Variants in ECI2 observed in about 807,000 individuals in gnomAD.
ECI2 encodes the protein enoyl-CoA delta isomerase 2.
ECI2 carries 27 observed loss-of-function variants against 38.4 expected under a neutral mutation model. The ratio of observed to expected loss-of-function variants is 0.70; its 90% confidence interval spans 0.52 to 0.97. ECI2 has a LOEUF of 0.97. Ranked by LOEUF, ECI2 falls within the 50% of genes least tolerant of loss-of-function variation. The pLI is 0.00. For missense variants in ECI2, 470 were observed against 474.4 expected (o/e 0.99, Z 0.09); for synonymous variants, 168 against 172.0 (o/e 0.98, Z 0.18).
At chr6:4,130,926 T>A in intron 2 of ECI2, 61 bp from the exon 3 acceptor site, 1 of 1,498,878 alleles carries the variant, frequency 6.7e-7, no homozygotes, top group Non-Finnish European at 9.2e-7. Context: ...CCTAAATATT[T>A]AAGATCCATA....
intron 6 of ECI2, chr6:4,125,799 C>T: frequency 2.3e-6 from 1 of 440,706 alleles, no homozygotes; most frequent in East Asian, 5.2e-5. Flanking sequence ...CTCCTACCTT[C>T]AGCGTTCATG....
chr6:4,133,963 A>G (rs915596311), intron 1 of ECI2, among the ~76,000 whole-genome samples: 6 of 152,252 alleles, frequency 3.9e-5, no homozygotes, highest in African/African-American at 1.2e-4. Flanking sequence ...TCTGTAAGCA[A>G]CTAAAGATAA....
At chr6:4,131,155 T>C (rs1319045004) in intron 2 of ECI2, among the ~76,000 whole-genome samples, 1 of 152,232 alleles carries the variant, frequency 6.6e-6, no homozygotes, top group Non-Finnish European at 1.5e-5. Flanking sequence ...TAGTTTTATA[T>C]TGGTAATCAC....
intron 4 of ECI2, 105 bp from the exon 5 acceptor site, chr6:4,127,936 C>A (rs979611385): frequency 5.8e-5 from 60 of 1,029,970 alleles, no homozygotes; most frequent in Non-Finnish European, 7.9e-5. Flanking sequence ...CAGCAAAGTG[C>A]CTAACATTTA....
rs368531388 is a variant in ECI2 at position 4,115,933 on chromosome 6, G to A, written c.1126C>T (p.Leu376=). 8.7e-6 allele frequency: 14 copies of A among 1,614,058 alleles called. No homozygotes were observed. The African/African-American group carries it at 1.9e-4, about 22-fold the overall frequency. ...ACAGCATTTGTGCATTCATCTGATA[G>A]CCATCTTCCCTGAAGGACATTGCAT... is the stretch of plus-strand genomic sequence containing the variant. The part of the protein sequence containing the change: ...EECNVLQGRW[L]SDECTNAVVN... The change falls in exon 10 of 10, where the codon CTA becomes TTA. Residue 376 remains leucine, a synonymous_variant. Coordinates refer to ENST00000380118, the MANE Select transcript of ECI2 (RefSeq NM_206836.3).
intron 9 of ECI2, 133 bp downstream of exon 9, chr6:4,117,175 C>G (rs745832203): frequency 2.6e-6 from 3 of 1,147,244 alleles, no homozygotes; most frequent in Non-Finnish European, 3.6e-6. Flanking sequence ...TTTTTTAATT[C>G]CAAATTTAGA....
intron 5 of ECI2, among the ~76,000 whole-genome samples, chr6:4,126,820 A>T (rs1773192861): frequency 6.6e-6 from 1 of 152,224 alleles, no homozygotes; most frequent in Non-Finnish European, 1.5e-5. Context: ...GTTTAATTAA[A>T]GTACAATTTA....
At chr6:4,116,328 G>A (rs531661570) in intron 9 of ECI2, among the ~76,000 whole-genome samples, 2 of 152,038 alleles carry the variant, frequency 1.3e-5, no homozygotes, top group East Asian at 2.0e-4. Context: ...TCCAGCCTGG[G>A]TGACAAGTGA....
chr6:4,117,298 G>C lies in ECI2; in HGVS notation c.1029+10C>G. ...TTCAAGGTTCTTAGAAGTAAAAGAT[G>C]AATACTAACATTTGGGGGAAGCTTT... On this transcript the variant is annotated intron_variant, in intron 9 of 9. Coordinates refer to ENST00000380118, the MANE Select transcript of ECI2 (RefSeq NM_206836.3). The C allele has an allele frequency of 1.3e-6, 2 of 1,580,922 alleles. No individual in the cohort carries two copies. Among genetic ancestry groups the C allele is most frequent in the Non-Finnish European group, 1.7e-6 (2 of 1,169,332 alleles).
chr6:4,128,631 C>A (rs575728401), intron 4 of ECI2, among the ~76,000 whole-genome samples: 1 of 152,140 alleles, frequency 6.6e-6, no homozygotes, highest in Non-Finnish European at 1.5e-5. Context: ...ATCAAAAATA[C>A]CTGGAAAAGA....
chr6:4,121,366 C>A (rs759151961), intron 7 of ECI2, among the ~76,000 whole-genome samples: 1 of 152,016 alleles, frequency 6.6e-6, no homozygotes, highest in Non-Finnish European at 1.5e-5. Flanking sequence ...TTTATTAGAG[C>A]GTCAGGCAAA....
chr6:4,120,250 T>C (rs1772616674), intron 7 of ECI2, among the ~76,000 whole-genome samples: 1 of 152,170 alleles, frequency 6.6e-6, no homozygotes, highest in Admixed American at 6.5e-5. Context: ...AATTAGGCAA[T>C]TTTGTCATTG....
intron 7 of ECI2, among the ~76,000 whole-genome samples, chr6:4,122,916 T>C (rs1772902846): frequency 6.6e-6 from 1 of 152,240 alleles, no homozygotes; most frequent in African/African-American, 2.4e-5. Flanking sequence ...CTCAAAGATT[T>C]ATTATTGTTA....
intron 9 of ECI2, among the ~76,000 whole-genome samples, chr6:4,116,340 ACT>A (rs1385991613): frequency 6.6e-6 from 1 of 151,508 alleles, no homozygotes; most frequent in African/African-American, 2.4e-5. Flanking sequence ...GACAAGTGAG[ACT>A]CTGTCTCAAA....
At chr6:4,125,518 T>A (rs1257797058) in intron 6 of ECI2, 148 bp from the exon 7 acceptor site, 3 of 1,118,612 alleles carry the variant, frequency 2.7e-6, no homozygotes, top group Non-Finnish European at 3.8e-6. Context: ...TCCTGCCACT[T>A]CCCTGGTCTT....
At chr6:4,125,151 A>T in intron 7 of ECI2, 99 bp downstream of exon 7, 1 of 1,533,556 alleles carries the variant, frequency 6.5e-7, no homozygotes, top group Non-Finnish European at 8.8e-7. Flanking sequence ...ACCACAAACA[A>T]CATGTAACCT....
intron 8 of ECI2, 78 bp from the exon 9 acceptor site, chr6:4,117,529 T>G: frequency 6.5e-7 from 1 of 1,549,344 alleles, no homozygotes; most frequent in Non-Finnish European, 8.7e-7. Context: ...TTCAGGAGGC[T>G]TAGAGAGATG....
chr6:4,115,978 G>A lies in ECI2; in HGVS notation c.1081C>T (p.His361Tyr). 6.2e-7 allele frequency: 1 copy of A among 1,614,076 alleles called. No individual in the cohort carries two copies. Among genetic ancestry groups the A allele is most frequent in the South Asian group, 1.1e-5 (1 of 91,038 alleles). Reference protein sequence around the residue: ...VIRKREREKLHAVNAEECNVL... With the variant: ...VIRKREREKLYAVNAEECNVL... ...TTGCATTCTTCAGCATTAACAGCGT[G>A]TAGTTTTTCTCTCTCTCTTTTCCTG... Residue 361 changes from histidine to tyrosine, a missense_variant, in exon 10 of 10, where the codon CAC becomes TAC. Coordinates refer to ENST00000380118, the MANE Select transcript of ECI2 (RefSeq NM_206836.3).
intron 2 of ECI2, among the ~76,000 whole-genome samples, chr6:4,131,913 G>A (rs1029333298): frequency 2.0e-5 from 3 of 151,852 alleles, no homozygotes; most frequent in African/African-American, 2.4e-5. Flanking sequence ...AGTAAAGGAG[G>A]TTATGAATTT....
Sources: gnomAD v4.1 joint callset for allele counts (sites outside exome capture counted in the v4.1 genomes callset) on GRCh38, gnomAD v4.1.1 for gene constraint, MANE v1.5 for transcripts, NCBI Gene and HGNC (gene_info 2026-07-23, HGNC 2026-07-21) for gene names.